Variants in TEX14 observed in about 807,000 individuals in gnomAD.
The protein encoded by TEX14 is testis expressed 14, intercellular bridge forming factor.
A neutral mutation model predicts 178.6 loss-of-function variants in TEX14; 168 were observed. That is an observed-to-expected ratio of 0.94 (90% CI 0.83 to 1.07). The LOEUF is 1.07. Among genes scored for constraint, TEX14 ranks in the 50% least tolerant of loss-of-function variants. The probability of loss-of-function intolerance (pLI) is 0.00; values close to 1 mark genes in which losing one functional copy is unlikely to be tolerated. For missense variants in TEX14, 1,730 were observed against 1,753.6 expected, an observed-to-expected ratio of 0.99 and a Z score of 0.24; for synonymous variants, 626 against 634.1, an observed-to-expected ratio of 0.99 and a Z score of 0.19.
chr17:58,634,637 G>A (rs1014183501), intron 2 of TEX14, among the ~76,000 whole-genome samples: 1 of 152,102 alleles, frequency 6.6e-6, no homozygotes, highest in Non-Finnish European at 1.5e-5. Context: ...ACACAAGCCA[G>A]CCTAAGAGTA....
At chr17:58,565,676 A>G in intron 27 of TEX14, 71 bp downstream of exon 27, 6 of 1,125,040 alleles carry the variant, frequency 5.3e-6, no homozygotes, top group East Asian at 2.5e-5. Flanking sequence ...ACACTTCCCT[A>G]TATGTACCAC....
At chr17:58,590,534 T>TTTG (rs76273680) in intron 15 of TEX14, among the ~76,000 whole-genome samples, 47,479 of 149,300 alleles carry the variant, frequency 0.32, 7,714 homozygotes, top group Middle Eastern at 0.48. Context: ...TCCAACTATT[T>TTTG]TTGTTGTTGT....
Position 58,564,959 on chromosome 17 carries a change from T to C in TEX14, c.3974A>G (p.His1325Arg). The C allele has an allele frequency of 6.3e-7, 1 of 1,590,700 alleles. No homozygotes were observed. The highest frequency in any genetic ancestry group is 8.6e-7 in the Non-Finnish European group (1 of 1,166,708). ...DGGGTANDQR[H>R]LEEQETDSKK... ...ACTGTCAGTTTCTTGTTCTTCTAAG[T>C]GCCTTTGATCTAAAAACAGTTGAAA... The change falls in exon 28 of 32, where the codon CAC becomes CGC. Residue 1325 changes from histidine to arginine, a missense_variant. Physicochemically the swap from His to Arg is conservative, Grantham distance 29. Coordinates refer to ENST00000349033, the MANE Select transcript of TEX14 (RefSeq NM_031272.5).
intron 21 of TEX14, among the ~76,000 whole-genome samples, chr17:58,575,893 G>C (rs891180432): frequency 9.9e-5 from 15 of 152,182 alleles, no homozygotes; most frequent in Admixed American, 8.5e-4. Context: ...CTGACTAGCT[G>C]AGTGACCTTA....
At chr17:58,660,617 G>A (rs1436921576) in intron 1 of TEX14, 6 of 791,932 alleles carry the variant, frequency 7.6e-6, no homozygotes, top group Non-Finnish European at 1.4e-5. Flanking sequence ...CCTAGGGTGG[G>A]TGTCCTTCCA....
intron 14 of TEX14, among the ~76,000 whole-genome samples, chr17:58,597,830 G>T (rs760753528): frequency 1.6e-4 from 24 of 152,144 alleles, no homozygotes; most frequent in African/African-American, 5.6e-4. Context: ...GACACAGGAG[G>T]AGTCAGATGT....
intron 14 of TEX14, among the ~76,000 whole-genome samples, chr17:58,598,000 G>A (rs961453226): frequency 2.6e-5 from 4 of 152,052 alleles, no homozygotes; most frequent in Non-Finnish European, 5.9e-5. Context: ...GGCAGAGTTT[G>A]TGGCTTATTC....
At chr17:58,631,067 T>C (rs1317615328) in intron 2 of TEX14, 4 of 609,506 alleles carry the variant, frequency 6.6e-6, no homozygotes, top group East Asian at 1.4e-4. Context: ...AGTAGTAACA[T>C]GACCAGGAAA....
intron 1 of TEX14, chr17:58,659,238 T>A (rs897309169): frequency 1.9e-6 from 1 of 524,156 alleles, no homozygotes; most frequent in Non-Finnish European, 2.2e-6. Context: ...AAACACATAG[T>A]AAAAACCCTC....
At chr17:58,679,542 C>T (rs1253058113) in intron 1 of TEX14, 1 of 152,230 alleles carries the variant, frequency 6.6e-6, no homozygotes, top group African/African-American at 2.4e-5. Flanking sequence ...AGAGAACCAA[C>T]ATAGTCCCCA....
At chr17:58,669,985 A>G (rs1425230155) in intron 1 of TEX14, among the ~76,000 whole-genome samples, 2 of 152,046 alleles carry the variant, frequency 1.3e-5, no homozygotes, top group African/African-American at 4.8e-5. Flanking sequence ...GCCTGCCTGT[A>G]CTGTCCACCA....
chr17:58,570,275 TG>T, intron 25 of TEX14, 109 bp downstream of exon 25: 2 of 626,636 alleles, frequency 3.2e-6, no homozygotes, highest in South Asian at 4.5e-5. Context: ...TTTATAATCA[TG>T]GGGAAAACAG....
chr17:58,608,734 G>A (rs1032052059), intron 10 of TEX14, among the ~76,000 whole-genome samples: 2 of 152,248 alleles, frequency 1.3e-5, no homozygotes, highest in Admixed American at 6.5e-5. Context: ...GTGCCTCAGG[G>A]TATGAGAGCA....
chr17:58,581,743 T>C (rs762741443), intron 19 of TEX14: 10 of 1,605,992 alleles, frequency 6.2e-6, no homozygotes, highest in Non-Finnish European at 6.8e-6. Context: ...ATTAATAATG[T>C]AGGAAATCAC....
chr17:58,563,632 TATA>T, intron 28 of TEX14, among the ~76,000 whole-genome samples: 1 of 16,934 alleles, frequency 5.9e-5, no homozygotes, highest in Non-Finnish European at 9.8e-5. Context: ...TATATATATA[TATA>T]TATATATATA....
chr17:58,573,438 A>G, intron 22 of TEX14, 130 bp from the exon 23 acceptor site: 1 of 758,764 alleles, frequency 1.3e-6, no homozygotes. Flanking sequence ...GAATTAGAGA[A>G]TATCTTAGAA....
In TEX14 at chr17:58,569,937, T is replaced by C. The variant is rs1704384836; in HGVS notation, c.3817+448A>G. Among the ~76,000 whole-genome samples the C allele has an allele frequency of 6.6e-6, 1 of 152,154 alleles. No individual in the cohort carries two copies. The highest frequency in any genetic ancestry group is 2.4e-5 in the African/African-American group (1 of 41,450). On this transcript the variant is annotated intron_variant, in intron 25 of 31. Coordinates refer to ENST00000349033, the MANE Select transcript of TEX14 (RefSeq NM_031272.5). This position sits in a 1 kb window ranked among gnomAD's most constrained non-coding sequence, Gnocchi z 4.1. ...TCAGAGGTACAGATAAAAATTTATGTATAAAGAGCAAAAATTGGAAAATGA... is the reference window on the plus strand; with the variant it reads ...TCAGAGGTACAGATAAAAATTTATGCATAAAGAGCAAAAATTGGAAAATGA...
At chr17:58,581,655 C>G (rs2044823812) in intron 19 of TEX14, 2 of 1,613,772 alleles carry the variant, frequency 1.2e-6, no homozygotes, top group African/African-American at 2.7e-5. Context: ...TAAAAATATT[C>G]ACCGTCTGGA....
At chr17:58,618,667 G>A (rs970189162) in intron 5 of TEX14, among the ~76,000 whole-genome samples, 1 of 152,238 alleles carries the variant, frequency 6.6e-6, no homozygotes, top group Non-Finnish European at 1.5e-5. Context: ...GGGAGACGGT[G>A]CATACTCAGG....
Sources: gnomAD v4.1 joint callset for allele counts (sites outside exome capture counted in the v4.1 genomes callset) on GRCh38, gnomAD v4.1.1 for gene constraint, Gnocchi (gnomAD v3.1) non-coding constraint, MANE v1.5 for transcripts, NCBI Gene and HGNC (gene_info 2026-07-23, HGNC 2026-07-21) for gene names.